The following RFTN1 variants were observed in gnomAD, a reference collection of about 807,000 sequenced individuals.
The protein encoded by RFTN1 is raftlin.
A neutral mutation model predicts 46.5 loss-of-function variants in RFTN1; 26 were observed. The observed-to-expected ratio is 0.56, with a 90% CI of 0.41 to 0.78. The LOEUF is 0.78. Among genes scored for constraint, RFTN1 ranks in the 30% least tolerant of loss-of-function variants. The pLI is 0.00. For synonymous variants in RFTN1, 261 were observed against 284.2 expected (o/e 0.92, Z 0.82); for missense variants, 693 against 718.7 (o/e 0.96, Z 0.41).
intron 2 of RFTN1, among the ~76,000 whole-genome samples, chr3:16,467,450 G>C (rs915707798): frequency 2.6e-5 from 4 of 152,178 alleles, no homozygotes; most frequent in African/African-American, 9.7e-5. Context: ...CATGGCCCCG[G>C]CTGCCTCCGC....
At chr3:16,328,513 G>T (rs951723142) in intron 7 of RFTN1, among the ~76,000 whole-genome samples, 2 of 152,180 alleles carry the variant, frequency 1.3e-5, no homozygotes, top group African/African-American at 2.4e-5. Flanking sequence ...TTCCAGAGTG[G>T]CTATCAAGTC....
At chr3:16,467,095 G>A (rs192222153) in intron 2 of RFTN1, among the ~76,000 whole-genome samples, 1 of 152,170 alleles carries the variant, frequency 6.6e-6, no homozygotes, top group African/African-American at 2.4e-5. Context: ...AAACAAAAAG[G>A]GGGGTGAGGG....
At position 16,381,184 on chromosome 3, in the gene RFTN1, A is replaced by G. The variant is rs1382334548; in HGVS notation, c.442-3082T>C. 6.6e-6 allele frequency among the ~76,000 whole-genome samples: 1 copy of G among 152,258 alleles called. No homozygotes were observed. Among genetic ancestry groups the G allele is most frequent in the Non-Finnish European group, 1.5e-5 (1 of 68,038 alleles). ...TTATTATGACAACTATGTAATACACATACATAAACTATGCATAAAAACAGT... is the reference window on the plus strand; with the variant it reads ...TTATTATGACAACTATGTAATACACGTACATAAACTATGCATAAAAACAGT... On this transcript the variant is annotated intron_variant, in intron 4 of 9. Coordinates refer to ENST00000334133, the MANE Select transcript of RFTN1 (RefSeq NM_015150.2). This position sits in a 1 kb window ranked among gnomAD's most constrained non-coding sequence, Gnocchi z 4.2.
intron 1 of RFTN1, among the ~76,000 whole-genome samples, chr3:16,497,623 A>T (rs2076646605): frequency 6.6e-6 from 1 of 152,224 alleles, no homozygotes; most frequent in African/African-American, 2.4e-5. Context: ...TTGCTCTGGA[A>T]GGCAAGGTGT....
intron 6 of RFTN1, among the ~76,000 whole-genome samples, chr3:16,359,388 T>C (rs1187034023): frequency 6.6e-6 from 1 of 152,176 alleles, no homozygotes; most frequent in East Asian, 1.9e-4. Flanking sequence ...AATGTGACTA[T>C]ATTTGGAGAC....
intron 5 of RFTN1, among the ~76,000 whole-genome samples, chr3:16,372,926 A>G (rs1198165770): frequency 1.3e-5 from 2 of 152,256 alleles, no homozygotes; most frequent in Non-Finnish European, 2.9e-5. Flanking sequence ...TTGCACATGC[A>G]TAACCCTTGT....
In RFTN1 at chr3:16,370,039, C is replaced by A; in HGVS notation, c.1030+37G>T. On this transcript the variant is annotated intron_variant, in intron 6 of 9. Coordinates refer to ENST00000334133, the MANE Select transcript of RFTN1 (RefSeq NM_015150.2). The surrounding 1 kb of genome is among the most constrained non-coding windows in gnomAD (Gnocchi z 5.5). ...TTTCAAGAGTTAGAAGCAGAGTTCA[C>A]AAAGGGCCACCCAAGGACTGTGAAT... is the stretch of plus-strand genomic sequence containing the variant. The A allele has an allele frequency of 6.3e-7, 1 of 1,597,106 alleles. No individual in the cohort carries two copies. The highest frequency in any genetic ancestry group is 8.6e-7 in the Non-Finnish European group (1 of 1,164,616).
Position 16,493,861 on chromosome 3 carries a change from G to T in RFTN1, c.9C>A (p.Cys3Ter). The part of the protein sequence containing the change: MG[C>*]GLNKLEKRDE... ...CACGTTTCTCTAACTTGTTCAATCCGCAACCCATTTCAGCAGCTGCTGGCC... is the reference window on the plus strand; with the variant it reads ...CACGTTTCTCTAACTTGTTCAATCCTCAACCCATTTCAGCAGCTGCTGGCC... Residue 3 changes from cysteine (C) to a stop codon, truncating the protein, a stop_gained, in exon 2 of 10, where the codon TGC becomes TGA. Transcript: ENST00000334133. LOFTEE classifies it high-confidence loss of function. The T allele has an allele frequency of 6.2e-7, 1 of 1,614,058 alleles. No individual in the cohort carries two copies. Among genetic ancestry groups the T allele is most frequent in the Non-Finnish European group, 8.5e-7 (1 of 1,180,008 alleles).
At chr3:16,510,948 C>T (rs2076890922) in intron 1 of RFTN1, among the ~76,000 whole-genome samples, 1 of 152,258 alleles carries the variant, frequency 6.6e-6, no homozygotes, top group South Asian at 2.1e-4. Flanking sequence ...AAGACATACT[C>T]CGGAACATAA....
intron 2 of RFTN1, among the ~76,000 whole-genome samples, chr3:16,478,163 G>A (rs928533615): frequency 6.6e-6 from 1 of 152,196 alleles, no homozygotes; most frequent in Admixed American, 6.5e-5. Flanking sequence ...CCAAACAGGA[G>A]CTTCCTGGGG....
At position 16,346,517 on chromosome 3, in the gene RFTN1, T is replaced by C. The variant is rs1469684788; in HGVS notation, c.1146+11415A>G. 6.6e-6 allele frequency: 1 copy of C among 152,192 alleles called. No individual in the cohort carries two copies. The highest frequency in any genetic ancestry group is 1.5e-5 in the Non-Finnish European group (1 of 68,034). 9.4% of individuals were successfully genotyped at this position (152,192 alleles called of 1,614,324 possible). A position where few individuals can be genotyped will look rare whatever the true frequency, so the allele number is the denominator to read the frequency against. On this transcript the variant is annotated intron_variant, in intron 7 of 9. Coordinates refer to ENST00000334133, the MANE Select transcript of RFTN1 (RefSeq NM_015150.2). This position sits in a 1 kb window ranked among gnomAD's most constrained non-coding sequence, Gnocchi z 4.4. ...TACCTCTAGGAGCATCCTGCCTTGCTAGTCCCCCTCAGTGGCACATTCTGT... is the reference window on the plus strand; with the variant it reads ...TACCTCTAGGAGCATCCTGCCTTGCCAGTCCCCCTCAGTGGCACATTCTGT...
chr3:16,439,655 A>C (rs913208050), intron 2 of RFTN1, among the ~76,000 whole-genome samples: 13 of 152,240 alleles, frequency 8.5e-5, no homozygotes, highest in African/African-American at 2.9e-4. Context: ...AATTGGAAGA[A>C]GGAACACCCA....
chr3:16,462,754 T>C (rs1303599671), intron 2 of RFTN1, among the ~76,000 whole-genome samples: 4 of 152,272 alleles, frequency 2.6e-5, no homozygotes, highest in African/African-American at 9.6e-5. Context: ...TGTGGTAATT[T>C]GTCATAGACA....
At position 16,446,214 on chromosome 3, in the gene RFTN1, A is replaced by G. The variant is rs971448700; in HGVS notation, c.146-12177T>C. ...TGGGCCCTAAAGCAGATTAGCCACA[A>G]GACCAAGATGAAAGAACCATAATGA... On this transcript the variant is annotated intron_variant, in intron 2 of 9. Coordinates refer to ENST00000334133, the MANE Select transcript of RFTN1 (RefSeq NM_015150.2). The surrounding 1 kb of genome is among the most constrained non-coding windows in gnomAD (Gnocchi z 4.5). Among the ~76,000 whole-genome samples the G allele has an allele frequency of 1.3e-5, 2 of 152,134 alleles. No homozygotes were observed. Among genetic ancestry groups the G allele is most frequent in the African/African-American group, 2.4e-5 (1 of 41,412 alleles).
At chr3:16,469,150 G>A (rs186193135) in intron 2 of RFTN1, among the ~76,000 whole-genome samples, 44 of 152,320 alleles carry the variant, frequency 2.9e-4, no homozygotes, top group Non-Finnish European at 4.4e-4. Context: ...CATAGCTTCC[G>A]GAGCTAGGCA....
chr3:16,509,808 C>T lies in RFTN1; in HGVS notation c.-9+3634G>A, dbSNP rs2076867849. Among the ~76,000 whole-genome samples, 1 of 152,152 alleles carries T rather than the reference C, an allele frequency of 6.6e-6. No homozygotes were observed. Among genetic ancestry groups the T allele is most frequent in the Non-Finnish European group, 1.5e-5 (1 of 68,028 alleles). The stretch of plus-strand genomic sequence containing the variant: ...ATCACTCAGCCAATGTTTACTGTGT[C>T]CCTACCCTCTGGCAGGCACTGCGCT... On this transcript the variant is annotated intron_variant, in intron 1 of 9. Coordinates refer to ENST00000334133, the MANE Select transcript of RFTN1 (RefSeq NM_015150.2). This position sits in a 1 kb window ranked among gnomAD's most constrained non-coding sequence, Gnocchi z 4.9.
intron 1 of RFTN1, among the ~76,000 whole-genome samples, chr3:16,510,885 A>G (rs2076889112): frequency 6.6e-6 from 1 of 152,254 alleles, no homozygotes; most frequent in African/African-American, 2.4e-5. Flanking sequence ...AGAAGAAAGA[A>G]ACTAAAATAA....
In RFTN1 at chr3:16,452,847, C is replaced by G. The variant is rs888488587; in HGVS notation, c.146-18810G>C. Among the ~76,000 whole-genome samples the G allele has an allele frequency of 6.6e-6, 1 of 152,262 alleles. No homozygotes were observed. Among genetic ancestry groups the G allele is most frequent in the East Asian group, 1.9e-4 (1 of 5,184 alleles). On this transcript the variant is annotated intron_variant, in intron 2 of 9. Coordinates refer to ENST00000334133, the MANE Select transcript of RFTN1 (RefSeq NM_015150.2). The surrounding 1 kb of genome is among the most constrained non-coding windows in gnomAD (Gnocchi z 6.3). The stretch of plus-strand genomic sequence containing the variant: ...TTCTTCCCTATCAAGTTCTTTTGCA[C>G]TTAGTGTTTCAGAATTTAAATGCTG...
intron 4 of RFTN1, among the ~76,000 whole-genome samples, chr3:16,379,334 C>T (rs778705574): frequency 2.0e-5 from 3 of 152,262 alleles, no homozygotes; most frequent in Non-Finnish European, 2.9e-5. Flanking sequence ...GTCTTTAAAT[C>T]CTAGCCTGTG....
Sources: gnomAD v4.1 joint callset for allele counts (sites outside exome capture counted in the v4.1 genomes callset) on GRCh38, gnomAD v4.1.1 for gene constraint, Gnocchi (gnomAD v3.1) non-coding constraint, MANE v1.5 for transcripts, NCBI Gene and HGNC (gene_info 2026-07-23, HGNC 2026-07-21) for gene names.